RAD51B: variants seen among roughly 807,000 people sequenced by gnomAD.
RAD51B encodes the protein RAD51 paralog B.
Under a neutral mutation model 42.2 loss-of-function variants are expected in RAD51B, and 38 were observed. The ratio of observed to expected loss-of-function variants is 0.90; its 90% CI spans 0.70 to 1.18. The LOEUF is 1.18. Ranked by LOEUF, RAD51B falls within the 50% of genes most tolerant of loss-of-function variation. The pLI is 0.00. For synonymous variants in RAD51B, 154 were observed against 145.2 expected, an observed-to-expected ratio of 1.06 and a Z score of -0.43; for missense variants, 373 against 400.7, an observed-to-expected ratio of 0.93 and a Z score of 0.59.
At chr14:68,240,514 A>G (rs2080360507) in intron 7 of RAD51B, among the ~76,000 whole-genome samples, 2 of 152,248 alleles carry the variant, frequency 1.3e-5, no homozygotes, top group African/African-American at 4.8e-5. Context: ...CTGAAGTTTC[A>G]GCTGGCTCAG....
At chr14:68,085,894 G>A (rs1213556088) in intron 7 of RAD51B, among the ~76,000 whole-genome samples, 1 of 152,214 alleles carries the variant, frequency 6.6e-6, no homozygotes, top group African/African-American at 2.4e-5. Flanking sequence ...TGGGCAGGCT[G>A]TAGGGCTCTG....
chr14:68,196,370 T>C (rs995124373), intron 7 of RAD51B, among the ~76,000 whole-genome samples: 5 of 152,112 alleles, frequency 3.3e-5, no homozygotes, highest in Non-Finnish European at 7.4e-5. Context: ...TTCATTGGCT[T>C]CTGGTTGTAC....
chr14:68,287,873 A>G (rs894119187), intron 7 of RAD51B, among the ~76,000 whole-genome samples: 1 of 152,194 alleles, frequency 6.6e-6, no homozygotes, highest in African/African-American at 2.4e-5. Flanking sequence ...ATCCAGCTGA[A>G]TCCTCAGAAC....
intron 4 of RAD51B, 36 bp downstream of exon 4, chr14:67,835,232 C>A: frequency 7.1e-7 from 1 of 1,411,372 alleles, no homozygotes; most frequent in Non-Finnish European, 1.0e-6. Context: ...CTTCCATTGA[C>A]CTATAACCTT....
chr14:68,068,232 C>T (rs572156685), intron 7 of RAD51B, among the ~76,000 whole-genome samples: 8 of 152,142 alleles, frequency 5.3e-5, no homozygotes, highest in Non-Finnish European at 1.2e-4. Flanking sequence ...AGAATATCTT[C>T]ATCACTTTAA....
At chr14:68,133,574 C>T (rs112800496) in intron 7 of RAD51B, among the ~76,000 whole-genome samples, 2,178 of 152,224 alleles carry the variant, frequency 0.014, 52 homozygotes, top group African/African-American at 0.049. Context: ...CGGGTTCAAG[C>T]GATTCTCCTG....
intron 7 of RAD51B, among the ~76,000 whole-genome samples, chr14:67,987,774 T>G (rs530142035): frequency 6.6e-6 from 1 of 152,208 alleles, no homozygotes; most frequent in Non-Finnish European, 1.5e-5. Context: ...AGTGAAGAGA[T>G]TCTTAGGAGT....
At chr14:67,878,266 G>A (rs1186948935) in intron 5 of RAD51B, among the ~76,000 whole-genome samples, 3 of 151,918 alleles carry the variant, frequency 2.0e-5, no homozygotes, top group Non-Finnish European at 4.4e-5. Flanking sequence ...TCATACTTGC[G>A]GGAAAAAAGT....
intron 7 of RAD51B, among the ~76,000 whole-genome samples, chr14:68,217,219 G>A (rs981307321): frequency 1.3e-5 from 2 of 152,124 alleles, no homozygotes; most frequent in African/African-American, 2.4e-5. Flanking sequence ...GGTGGGCTAG[G>A]TGTCCTCTTT....
intron 8 of RAD51B, among the ~76,000 whole-genome samples, chr14:68,388,444 A>G (rs2083657316): frequency 6.6e-6 from 1 of 152,162 alleles, no homozygotes; most frequent in African/African-American, 2.4e-5. Context: ...ATCTACAGCA[A>G]CATAAATCTT....
chr14:67,980,947 T>G (rs2075080770), intron 7 of RAD51B, among the ~76,000 whole-genome samples: 1 of 152,284 alleles, frequency 6.6e-6, no homozygotes, highest in African/African-American at 2.4e-5. Flanking sequence ...AAGCCACAGA[T>G]TTGTGGAGAT....
chr14:68,164,544 T>C (rs1179196202), intron 7 of RAD51B, among the ~76,000 whole-genome samples: 1 of 152,240 alleles, frequency 6.6e-6, no homozygotes, highest in Non-Finnish European at 1.5e-5. Context: ...CCGCGGGCTT[T>C]CTGGGGCTAG....
intron 7 of RAD51B, among the ~76,000 whole-genome samples, chr14:68,291,194 TTTTA>T (rs1410975651): frequency 6.6e-6 from 1 of 152,006 alleles, no homozygotes; most frequent in Non-Finnish European, 1.5e-5. Flanking sequence ...TTTAATTTAT[TTTTA>T]TTTATTTATT....
At chr14:68,049,929 G>T (rs773262605) in intron 7 of RAD51B, among the ~76,000 whole-genome samples, 2 of 151,950 alleles carry the variant, frequency 1.3e-5, no homozygotes, top group Non-Finnish European at 2.9e-5. Flanking sequence ...TTTTATTTCC[G>T]GCTCCAACGT....
intron 7 of RAD51B, among the ~76,000 whole-genome samples, chr14:68,224,970 T>C (rs1427295065): frequency 2.0e-5 from 3 of 152,128 alleles, no homozygotes; most frequent in Admixed American, 6.6e-5. Context: ...GGATTACAGA[T>C]GTGAGCCACT....
intron 7 of RAD51B, among the ~76,000 whole-genome samples, chr14:68,012,467 A>G (rs986402627): frequency 2.6e-5 from 4 of 152,010 alleles, no homozygotes; most frequent in African/African-American, 9.7e-5. Flanking sequence ...GAGAGAGGAG[A>G]GAGAGCCCTC....
At chr14:68,674,731 C>G (rs1360492855) in intron 11 of RAD51B, among the ~76,000 whole-genome samples, 1 of 152,104 alleles carries the variant, frequency 6.6e-6, no homozygotes, top group African/African-American at 2.4e-5. Flanking sequence ...TCCCATTACA[C>G]AGGGGTATGT....
At chr14:68,163,200 A>G (rs1357871599) in intron 7 of RAD51B, among the ~76,000 whole-genome samples, 3 of 152,232 alleles carry the variant, frequency 2.0e-5, no homozygotes, top group Non-Finnish European at 4.4e-5. Context: ...TTTACAATCC[A>G]GCAAGTCAAA....
At chr14:68,339,068 C>T (rs958133281) in intron 8 of RAD51B, 12 of 677,086 alleles carry the variant, frequency 1.8e-5, no homozygotes, top group African/African-American at 7.1e-5. Flanking sequence ...CAGTCATCAC[C>T]AGCTGAGCTT....
Sources: gnomAD v4.1 joint callset for allele counts (sites outside exome capture counted in the v4.1 genomes callset) on GRCh38, gnomAD v4.1.1 for gene constraint, MANE v1.5 for transcripts, NCBI Gene and HGNC (gene_info 2026-07-23, HGNC 2026-07-21) for gene names.